Variants in RILPL1 observed in about 807,000 individuals in gnomAD.
The protein encoded by RILPL1 is Rab interacting lysosomal protein like 1.
RILPL1 carries 33 observed loss-of-function variants against 50.3 expected under a neutral mutation model. The observed-to-expected ratio is 0.66, with a 90% CI of 0.50 to 0.88. The LOEUF (loss-of-function observed/expected upper bound fraction) is 0.88. Ranked by LOEUF, RILPL1 falls within the 40% of genes least tolerant of loss-of-function variation. The pLI is 0.00. For missense variants in RILPL1, 418 were observed against 542.5 expected (o/e 0.77, Z 2.28); for synonymous variants, 205 against 228.6 (o/e 0.90, Z 0.93).
At chr12:123,484,299 A>T in intron 5 of RILPL1, 27 bp from the exon 6 acceptor site, 1 of 1,402,152 alleles carries the variant, frequency 7.1e-7, no homozygotes, top group East Asian at 2.3e-5. Context: ...GGCGTGAGAT[A>T]AAAGAGTCAA....
Position 123,475,335 on chromosome 12 carries a change from G to A in RILPL1, c.1068-2653C>T, listed in dbSNP as rs9723083. On this transcript the variant is annotated intron_variant, in intron 6 of 6. Transcript: ENST00000376874. ...CAAAAACATAGGGTTAGTGTCACTC[G>A]GGGACCGCAGTGGGCGTTGATTACT... 78 of 331,740 alleles carry A rather than the reference G, an allele frequency of 2.4e-4. No homozygotes were observed. In the South Asian group the frequency reaches 2.6e-3, roughly 11 times the overall value. The allele number at this position is 331,740 out of a possible 1,614,324, so 20.5% of individuals were successfully genotyped here.
At chr12:123,516,032 T>C (rs1884668983) in intron 2 of RILPL1, among the ~76,000 whole-genome samples, 2 of 37,098 alleles carry the variant, frequency 5.4e-5, no homozygotes, top group African/African-American at 4.5e-4. Context: ...AGACTCTGTC[T>C]CAAAAAAAAA....
chr12:123,485,816 C>A lies in RILPL1; in HGVS notation c.802-11G>T. 6.3e-7 allele frequency: 1 copy of A among 1,592,958 alleles called. No homozygotes were observed. Among genetic ancestry groups the A allele is most frequent in the South Asian group, 1.1e-5 (1 of 89,088 alleles). ...TCCCACCGGCTCCGTCTGGAGGAGGCAGAGATGCTGCTAATGAATTCTTGG... is the reference window on the plus strand; with the variant it reads ...TCCCACCGGCTCCGTCTGGAGGAGGAAGAGATGCTGCTAATGAATTCTTGG... On this transcript the variant is annotated splice_polypyrimidine_tract_variant and intron_variant, in intron 4 of 6. Coordinates refer to ENST00000376874, the MANE Select transcript of RILPL1 (RefSeq NM_178314.5). The surrounding 1 kb of genome is among the most constrained non-coding windows in gnomAD (Gnocchi z 4.0).
At chr12:123,521,698 TATATATATATAA>T (rs1885061206) in intron 2 of RILPL1, among the ~76,000 whole-genome samples, 1 of 109,916 alleles carries the variant, frequency 9.1e-6, no homozygotes, top group Admixed American at 1.2e-4. Flanking sequence ...CACATATATG[TATATATATATAA>T]ATATATATAT....
In RILPL1 at chr12:123,472,609, C is replaced by G. The variant is rs777267055; in HGVS notation, c.1141G>C (p.Gly381Arg). Reference protein sequence around the residue: ...QRNVHIQESFGQWANTHRDDG... With the variant: ...QRNVHIQESFRQWANTHRDDG... ...TCGCGGTGGGTGTTTGCCCACTGTC[C>G]AAAGGACTCCTGGATGTGCACGTTT... Residue 381 changes from glycine to arginine, a missense_variant, in exon 7 of 7, where the codon GGA becomes CGA. Transcript: ENST00000376874. 1 of 1,580,170 alleles carries G rather than the reference C, an allele frequency of 6.3e-7. No individual in the cohort carries two copies. The highest frequency in any genetic ancestry group is 8.6e-7 in the Non-Finnish European group (1 of 1,162,790).
chr12:123,501,629 G>A (rs1883390502), intron 2 of RILPL1, among the ~76,000 whole-genome samples: 1 of 151,086 alleles, frequency 6.6e-6, no homozygotes, highest in African/African-American at 2.4e-5. Context: ...CCCTGGTGGT[G>A]AGCGCCTGTA....
intron 2 of RILPL1, among the ~76,000 whole-genome samples, chr12:123,521,304 G>T (rs1263408096): frequency 6.6e-6 from 1 of 151,924 alleles, no homozygotes; most frequent in African/African-American, 2.4e-5. Context: ...CTTGATCAAA[G>T]TCACATAGCA....
chr12:123,499,520 C>G lies in RILPL1; in HGVS notation c.477G>C (p.Glu159Asp). Residue 159 changes from glutamate (E) to aspartate (D), a missense_variant, in exon 3 of 7, where the codon GAG becomes GAC. Physicochemically the swap from Glu to Asp is conservative, Grantham distance 45 (BLOSUM62 2). Transcript: ENST00000376874. ...FQKHEGMSER[E>D]RQVMKKLKEV... ...CCTTCAGCTTCTTCATCACCTGTCG[C>G]TCCCGCTCTGACATGCCTGGGTGGG... The G allele has an allele frequency of 6.2e-7, 1 of 1,613,818 alleles. No homozygotes were observed. The highest frequency in any genetic ancestry group is 8.5e-7 in the Non-Finnish European group (1 of 1,179,778).
Position 123,503,557 on chromosome 12 carries a change from C to T in RILPL1, c.461-4021G>A, listed in dbSNP as rs114635242. Reference sequence around the variant, plus strand: ...GCTTCTAGTGGCCACCAGCACTTCTCGGCTTGTGGTGACATTTCTCCAGTC... The same window carrying T: ...GCTTCTAGTGGCCACCAGCACTTCTTGGCTTGTGGTGACATTTCTCCAGTC... On this transcript the variant is annotated intron_variant, in intron 2 of 6. Coordinates refer to ENST00000376874, the MANE Select transcript of RILPL1 (RefSeq NM_178314.5). 6.8e-4 allele frequency among the ~76,000 whole-genome samples: 104 copies of T among 152,138 alleles called. 1 individual carries two copies. In the Middle Eastern group the frequency reaches 0.017, roughly 25 times the overall value.
At chr12:123,530,981 G>C (rs532670455) in intron 1 of RILPL1, among the ~76,000 whole-genome samples, 1 of 148,618 alleles carries the variant, frequency 6.7e-6, no homozygotes, top group Admixed American at 6.9e-5. Flanking sequence ...TGCTGAAAGC[G>C]AGAGAGACAA....
At chr12:123,503,262 G>C in intron 2 of RILPL1, among the ~76,000 whole-genome samples, 1 of 139,980 alleles carries the variant, frequency 7.1e-6, no homozygotes. Context: ...GTGCAGTGGC[G>C]CGATCTCAGC....
chr12:123,490,435 C>T lies in RILPL1; in HGVS notation c.802-4630G>A, dbSNP rs76913700. ...AGCCACAGGAATTTTCTGCTCACCC[C>T]TATTGGGTTTTAACTGCCCAAGACA... On this transcript the variant is annotated intron_variant, in intron 4 of 6. Coordinates refer to ENST00000376874, the MANE Select transcript of RILPL1 (RefSeq NM_178314.5). 1.7e-3 allele frequency among the ~76,000 whole-genome samples: 253 copies of T among 152,290 alleles called. 2 individuals are homozygous for T. Among genetic ancestry groups the T allele is most frequent in the African/African-American group, 5.9e-3 (247 of 41,568 alleles).
intron 2 of RILPL1, among the ~76,000 whole-genome samples, chr12:123,502,372 C>T (rs1324016490): frequency 2.0e-5 from 3 of 152,228 alleles, no homozygotes; most frequent in Non-Finnish European, 2.9e-5. Context: ...GCAAAGCTGT[C>T]GTTTTTCCAG....
rs1305079169 is a variant in RILPL1, at chr12:123,485,803, C to T, written c.804G>A (p.Thr268=). The T allele has an allele frequency of 2.9e-5, 47 of 1,602,002 alleles. No individual in the cohort carries two copies. Among genetic ancestry groups the T allele is most frequent in the African/African-American group, 6.7e-5 (5 of 74,158 alleles). The part of the protein sequence containing the change: ...HSQNGEEEPE[T]EPVGEESISD... ...AGATGCTCTCCTCTCCCACCGGCTC[C>T]GTCTGGAGGAGGCAGAGATGCTGCT... is the stretch of plus-strand genomic sequence containing the variant. Residue 268 remains threonine (T), a splice_region_variant and synonymous_variant, in exon 5 of 7, where the codon ACG becomes ACA. Coordinates refer to ENST00000376874, the MANE Select transcript of RILPL1 (RefSeq NM_178314.5). The surrounding 1 kb of genome is among the most constrained non-coding windows in gnomAD (Gnocchi z 4.0).
rs1021758045 is a variant in RILPL1 at position 123,500,918 on chromosome 12, G to A, written c.461-1382C>T. Among the ~76,000 whole-genome samples, 4 of 150,978 alleles carry A rather than the reference G, an allele frequency of 2.6e-5. No individual in the cohort carries two copies. The South Asian group carries it at 6.3e-4, about 24-fold the overall frequency. ...TCAGGAGTTTGAGACCAGCCTGGCC[G>A]ACATGGTGAAACCCTCTCTGCTAAA... On this transcript the variant is annotated intron_variant, in intron 2 of 6. Coordinates refer to ENST00000376874, the MANE Select transcript of RILPL1 (RefSeq NM_178314.5).
chr12:123,518,225 C>T (rs765891433), intron 2 of RILPL1, among the ~76,000 whole-genome samples: 3 of 152,014 alleles, frequency 2.0e-5, no homozygotes, highest in Non-Finnish European at 2.9e-5. Context: ...AAGACAGGGC[C>T]GGGTGCGGTT....
At position 123,472,511 on chromosome 12, in the gene RILPL1, A is replaced by G. The variant is rs2139299073; in HGVS notation, c.*27T>C. On this transcript the variant is annotated 3_prime_UTR_variant, in exon 7 of 7. Transcript: ENST00000376874. ...TGCAGGCGCTGGTGGCGGGCAGTCCAGGTTGGAGGGTGGAGATGGGCCAAG... is the reference window on the plus strand; with the variant it reads ...TGCAGGCGCTGGTGGCGGGCAGTCCGGGTTGGAGGGTGGAGATGGGCCAAG... 6.5e-7 allele frequency: 1 copy of G among 1,549,904 alleles called. No homozygotes were observed. The highest frequency in any genetic ancestry group is 8.7e-7 in the Non-Finnish European group (1 of 1,146,780).
chr12:123,482,478 T>C (rs1201617769), intron 6 of RILPL1, among the ~76,000 whole-genome samples: 1 of 152,190 alleles, frequency 6.6e-6, no homozygotes, highest in Admixed American at 6.5e-5. Flanking sequence ...TCTCACTACG[T>C]GGCCCAGGTT....
intron 1 of RILPL1, among the ~76,000 whole-genome samples, chr12:123,524,291 G>A (rs1885171619): frequency 6.6e-6 from 1 of 152,210 alleles, no homozygotes; most frequent in East Asian, 1.9e-4. Flanking sequence ...AATAACAAGT[G>A]CTGACAAGGA....
Sources: allele counts gnomAD v4.1 joint callset (sites outside exome capture counted in the v4.1 genomes callset), GRCh38; gene constraint gnomAD v4.1.1; non-coding constraint Gnocchi (gnomAD v3.1); transcripts MANE v1.5; gene names NCBI Gene and HGNC (gene_info 2026-07-23, HGNC 2026-07-21).